Variants in QRFP observed in about 807,000 individuals in gnomAD.
QRFP encodes the protein pyroglutamylated RFamide peptide, also known as orexigenic neuropeptide QRFP.
Under a neutral mutation model 9.1 loss-of-function variants are expected in QRFP, and 7 were observed. That is an observed-to-expected ratio of 0.77 (90% CI 0.44 to 1.45). The LOEUF is 1.45. QRFP is among the 40% of genes most tolerant of loss of function. The pLI, the probability that QRFP is intolerant of heterozygous loss-of-function variation, is 0.01. For synonymous variants in QRFP, 91 were observed against 80.2 expected (o/e 1.13, Z -0.72); for missense variants, 204 against 185.4 (o/e 1.10, Z -0.58).
rs148445571 is a variant in QRFP, at chr9:130,893,791, G to A, written c.48C>T (p.Gly16=). ...TTCTGTCCAGTAGAGGGAAGCAGGC[G>A]CCCAGCGGCAGGAAGAGGAAGTAGA... ...PLIYFLFLPL[G]ACFPLLDRRE... The change falls in exon 3 of 3, where the codon GGC becomes GGT. Residue 16 remains glycine, a synonymous_variant. Coordinates refer to ENST00000623824, the MANE Select transcript of QRFP (RefSeq NM_198180.3). 951 of 1,560,146 alleles carry A rather than the reference G, an allele frequency of 6.1e-4. 3 individuals are homozygous for A. Among genetic ancestry groups the A allele is most frequent in the African/African-American group, 4.0e-3 (287 of 72,528 alleles).
chr9:130,894,446 T>G (rs568994228), intron 2 of QRFP, among the ~76,000 whole-genome samples: 1 of 152,222 alleles, frequency 6.6e-6, no homozygotes, highest in African/African-American at 2.4e-5. Flanking sequence ...CTCACACATG[T>G]GATTGTACTT....
At chr9:130,895,447 G>A (rs944346104) in intron 2 of QRFP, among the ~76,000 whole-genome samples, 1 of 152,218 alleles carries the variant, frequency 6.6e-6, no homozygotes, top group African/African-American at 2.4e-5. Flanking sequence ...GCCCCAGCGC[G>A]AGTCAGGGCT....
chr9:130,893,951 G>C, intron 2 of QRFP, 113 bp from the exon 3 acceptor site: 1 of 976,726 alleles, frequency 1.0e-6, no homozygotes, highest in Non-Finnish European at 1.4e-6. Context: ...AGGGGGCTCA[G>C]CTGAGCCCGG....
At chr9:130,893,922 T>C (rs1831723839) in intron 2 of QRFP, 84 bp from the exon 3 acceptor site, 4 of 1,364,652 alleles carry the variant, frequency 2.9e-6, no homozygotes, top group Non-Finnish European at 3.9e-6. Flanking sequence ...CGGGACAGGC[T>C]GGCAGCGTAG....
rs1474382302 is a variant in QRFP, at chr9:130,893,709, C to G, written c.130G>C (p.Ala44Pro). The G allele has an allele frequency of 6.2e-7, 1 of 1,610,294 alleles. No individual in the cohort carries two copies. The highest frequency in any genetic ancestry group is 8.5e-7 in the Non-Finnish European group (1 of 1,178,360). Residue 44 changes from alanine to proline, a missense_variant, in exon 3 of 3, where the codon GCC (alanine) becomes CCC (proline). By Grantham distance (27) the Ala-to-Pro change is conservative. Coordinates refer to ENST00000623824, the MANE Select transcript of QRFP (RefSeq NM_198180.3). ...ACGGAGTGGGGTCGGGGCCCCATGG[C>G]CAGGTCGGCCCAGCGTTCTCCAGCT... ...LGAGERWADL[A>P]MGPRPHSVWG...
intron 2 of QRFP, 111 bp from the exon 3 acceptor site, chr9:130,893,949 C>T (rs1831724292): frequency 3.9e-6 from 4 of 1,031,816 alleles, no homozygotes; most frequent in South Asian, 2.1e-5. Context: ...GCAGGGGGCT[C>T]AGCTGAGCCC....
chr9:130,893,696 CG>C lies in QRFP; in HGVS notation c.142del (p.Arg48AspfsTer12), dbSNP rs1178612534. On this transcript the variant is annotated frameshift_variant, in exon 3 of 3. Transcript: ENST00000623824. LOFTEE classifies it high-confidence loss of function. Reference protein sequence around the residue: ...ERWADLAMGPRPHSVWGSSRW... With the variant: ...ERWADLAMGPXPHSVWGSSRW... ...AGAGGAACCCCACACGGAGTGGGGT[CG>C]GGGCCCCATGGCCAGGTCGGCCCAG... 2.5e-6 allele frequency: 4 copies of C among 1,609,454 alleles called. No homozygotes were observed. Among genetic ancestry groups the C allele is most frequent in the Non-Finnish European group, 2.5e-6 (3 of 1,178,030 alleles).
Position 130,895,909 on chromosome 9 carries a change from G to C in QRFP, c.-213C>G, listed in dbSNP as rs1831750996. 1 of 152,414 alleles carries C rather than the reference G, an allele frequency of 6.6e-6. No individual in the cohort carries two copies. The highest frequency in any genetic ancestry group is 2.4e-5 in the African/African-American group (1 of 41,450). 9.4% of individuals were successfully genotyped at this position (152,414 alleles called of 1,614,324 possible). A position where few individuals can be genotyped will look rare whatever the true frequency, so the allele number is the denominator to read the frequency against. ...CATTGGGGACGCTGTTGTTGAAGAG[G>C]GGCAGTGCTGACCGCGTTGATAAAA... On this transcript the variant is annotated 5_prime_UTR_variant, in exon 2 of 3. Coordinates refer to ENST00000623824, the MANE Select transcript of QRFP (RefSeq NM_198180.3).
At position 130,895,937 on chromosome 9, in the gene QRFP, A is replaced by C. The variant is rs545569327; in HGVS notation, c.-241T>G. ...CAGTGCTGACCGCGTTGATAAAAACAACCTCACACAGGATGTAGTCTGATG... is the reference window on the plus strand; with the variant it reads ...CAGTGCTGACCGCGTTGATAAAAACCACCTCACACAGGATGTAGTCTGATG... On this transcript the variant is annotated 5_prime_UTR_variant, in exon 2 of 3. Transcript: ENST00000623824. The C allele has an allele frequency of 1.6e-4, 24 of 152,392 alleles. No individual in the cohort carries two copies. Among genetic ancestry groups the C allele is most frequent in the African/African-American group, 5.1e-4 (21 of 41,570 alleles). The allele number at this position is 152,392 out of a possible 1,614,324, so 9.4% of individuals were successfully genotyped here.
chr9:130,893,678 C>A lies in QRFP; in HGVS notation c.161G>T (p.Gly54Val), dbSNP rs1282089184. The change falls in exon 3 of 3, where the codon GGT becomes GTT. Residue 54 changes from glycine to valine, a missense_variant. Coordinates refer to ENST00000623824, the MANE Select transcript of QRFP (RefSeq NM_198180.3). ...TGAAGCTCTCAGCCACCGAGAGGAA[C>A]CCCACACGGAGTGGGGTCGGGGCCC... ...AMGPRPHSVWGSSRWLRASQP... is the reference protein window; with the variant it reads ...AMGPRPHSVWVSSRWLRASQP... 3 of 1,606,506 alleles carry A rather than the reference C, an allele frequency of 1.9e-6. No homozygotes were observed. In the African/African-American group the frequency reaches 4.0e-5, roughly 22 times the overall value.
chr9:130,896,371 G>A (rs376137409), intron 1 of QRFP, among the ~76,000 whole-genome samples: 4 of 152,190 alleles, frequency 2.6e-5, no homozygotes, highest in African/African-American at 7.2e-5. Flanking sequence ...CCCTCCCACC[G>A]CATACCCTGG....
rs988295255 is a variant in QRFP, at chr9:130,893,670, G to A, written c.169C>T (p.Arg57Trp). ...PRPHSVWGSS[R>W]WLRASQPQAL... ...TGTGGCTGTGAAGCTCTCAGCCACC[G>A]AGAGGAACCCCACACGGAGTGGGGT... The change falls in exon 3 of 3, where the codon CGG becomes TGG. Residue 57 changes from arginine (R) to tryptophan (W), a missense_variant. Coordinates refer to ENST00000623824, the MANE Select transcript of QRFP (RefSeq NM_198180.3). 1.0e-5 allele frequency: 16 copies of A among 1,602,488 alleles called. No homozygotes were observed. Among genetic ancestry groups the A allele is most frequent in the East Asian group, 4.5e-5 (2 of 44,592 alleles).
Position 130,893,729 on chromosome 9 carries a change from C to G in QRFP, c.110G>C (p.Gly37Ala). 6.2e-7 allele frequency: 1 copy of G among 1,610,374 alleles called. No homozygotes were observed. The highest frequency in any genetic ancestry group is 8.5e-7 in the Non-Finnish European group (1 of 1,178,358). ...CATGGCCAGGTCGGCCCAGCGTTCT[C>G]CAGCTCCGAGGCCACCCATGGCGTC... ...PTDAMGGLGAGERWADLAMGP... is the reference protein window; with the variant it reads ...PTDAMGGLGAAERWADLAMGP... Residue 37 changes from glycine (G) to alanine (A), a missense_variant, in exon 3 of 3, where the codon GGA becomes GCA. Coordinates refer to ENST00000623824, the MANE Select transcript of QRFP (RefSeq NM_198180.3).
At position 130,893,325 on chromosome 9, in the gene QRFP, A is replaced by T; in HGVS notation, c.*103T>A. 2.4e-6 allele frequency: 3 copies of T among 1,230,434 alleles called. No homozygotes were observed. The highest frequency in any genetic ancestry group is 3.4e-6 in the Non-Finnish European group (3 of 880,130). 76.2% of individuals were successfully genotyped at this position (1,230,434 alleles called of 1,614,324 possible). A position where few individuals can be genotyped will look rare whatever the true frequency, so the allele number is the denominator to read the frequency against. On this transcript the variant is annotated 3_prime_UTR_variant, in exon 3 of 3. Transcript: ENST00000623824. ...TGGATCGTTCATCGTAACCAAGCCT[A>T]CATCATCTGGGTGTCGTGGTCTTTG...
Position 130,893,719 on chromosome 9 carries a change from C to T in QRFP, c.120G>A (p.Trp40Ter). ...GTCGGGGCCCCATGGCCAGGTCGGC[C>T]CAGCGTTCTCCAGCTCCGAGGCCAC... is the stretch of plus-strand genomic sequence containing the variant. ...AMGGLGAGERWADLAMGPRPH... is the reference protein window; with the variant it reads ...AMGGLGAGER Residue 40 changes from tryptophan (W) to a stop codon, truncating the protein, a stop_gained, in exon 3 of 3, where the codon TGG becomes TGA. Coordinates refer to ENST00000623824, the MANE Select transcript of QRFP (RefSeq NM_198180.3). LOFTEE classifies it high-confidence loss of function. 1.9e-6 allele frequency: 3 copies of T among 1,610,550 alleles called. No homozygotes were observed. Among genetic ancestry groups the T allele is most frequent in the South Asian group, 1.1e-5 (1 of 90,934 alleles).
At position 130,893,300 on chromosome 9, in the gene QRFP, T is replaced by C. The variant is rs915177824; in HGVS notation, c.*128A>G. 13 of 1,055,406 alleles carry C rather than the reference T, an allele frequency of 1.2e-5. No individual in the cohort carries two copies. Among genetic ancestry groups the C allele is most frequent in the Non-Finnish European group, 1.8e-5 (13 of 727,028 alleles). 65.4% of individuals were successfully genotyped at this position (1,055,406 alleles called of 1,614,324 possible). On this transcript the variant is annotated 3_prime_UTR_variant, in exon 3 of 3. Coordinates refer to ENST00000623824, the MANE Select transcript of QRFP (RefSeq NM_198180.3). The stretch of plus-strand genomic sequence containing the variant: ...AGCACACACCTAACCTGTCCTACCA[T>C]GGATCGTTCATCGTAACCAAGCCTA...
At position 130,893,424 on chromosome 9, in the gene QRFP, C is replaced by T. The variant is rs1308677771; in HGVS notation, c.*4G>A. On this transcript the variant is annotated 3_prime_UTR_variant, in exon 3 of 3. Coordinates refer to ENST00000623824, the MANE Select transcript of QRFP (RefSeq NM_198180.3). ...AGCAAATCCTTCCAAGGCGTCCTGG[C>T]CCTTCACCGCCGACCGAAGCGGAAG... is the stretch of plus-strand genomic sequence containing the variant. The T allele has an allele frequency of 6.4e-7, 1 of 1,572,920 alleles. No homozygotes were observed.
rs559699288 is a variant in QRFP at position 130,893,200 on chromosome 9, G to A, written c.*228C>T. ...CCCAGGGGAAGAGAGAGGCTGGGAC[G>A]ACCGAGGCTCCAAGACAGCCTCCTT... On this transcript the variant is annotated 3_prime_UTR_variant, in exon 3 of 3. Transcript: ENST00000623824. 178 of 407,094 alleles carry A rather than the reference G, an allele frequency of 4.4e-4. 1 individual carries two copies. In the East Asian group the frequency reaches 4.5e-3, roughly 10 times the overall value. 25.2% of individuals were successfully genotyped at this position (407,094 alleles called of 1,614,324 possible).
intron 2 of QRFP, among the ~76,000 whole-genome samples, chr9:130,894,360 A>G (rs1831729388): frequency 6.6e-6 from 1 of 152,092 alleles, no homozygotes; most frequent in Non-Finnish European, 1.5e-5. Flanking sequence ...CCTAATTCGG[A>G]CACCCACCTG....
Sources: gnomAD v4.1 joint callset for allele counts (sites outside exome capture counted in the v4.1 genomes callset) on GRCh38, gnomAD v4.1.1 for gene constraint, MANE v1.5 for transcripts, NCBI Gene and HGNC (gene_info 2026-07-23, HGNC 2026-07-21) for gene names.